Variants in SNTG1 observed in about 807,000 individuals in gnomAD.
SNTG1 encodes the protein gamma-1-syntrophin.
A neutral mutation model predicts 74.7 loss-of-function variants in SNTG1; 39 were observed. The observed-to-expected ratio is 0.52, with a 90% confidence interval of 0.40 to 0.68. The LOEUF is 0.68. Among genes scored for constraint, SNTG1 ranks in the 30% least tolerant of loss-of-function variants. The probability of loss-of-function intolerance (pLI) is 0.00; values close to 1 mark genes in which losing one functional copy is unlikely to be tolerated. For missense variants in SNTG1, 685 were observed against 609.5 expected (o/e 1.12, Z -1.30); for synonymous variants, 254 against 217.1 (o/e 1.17, Z -1.49).
chr8:50,175,041 C>A (rs1216758112), intron 2 of SNTG1, among the ~76,000 whole-genome samples: 2 of 151,948 alleles, frequency 1.3e-5, no homozygotes, highest in Admixed American at 6.6e-5. Flanking sequence ...AGGACATGAA[C>A]TCATCATTTT....
intron 1 of SNTG1, among the ~76,000 whole-genome samples, chr8:49,967,952 C>G (rs1054640229): frequency 6.6e-6 from 1 of 152,168 alleles, no homozygotes; most frequent in Non-Finnish European, 1.5e-5. Context: ...TACACAGATA[C>G]AAGAGCGAGG....
At chr8:50,758,701 T>C (rs545987995) in intron 18 of SNTG1, among the ~76,000 whole-genome samples, 93 of 152,260 alleles carry the variant, frequency 6.1e-4, no homozygotes, top group African/African-American at 2.2e-3. Flanking sequence ...ATGTGCCACA[T>C]TTTCTTTATC....
chr8:50,593,174 G>A (rs564678331), intron 13 of SNTG1, among the ~76,000 whole-genome samples: 76 of 152,150 alleles, frequency 5.0e-4, no homozygotes, highest in East Asian at 9.7e-4. Context: ...TTTTCAATTT[G>A]TGCTACCCAG....
intron 17 of SNTG1, among the ~76,000 whole-genome samples, chr8:50,722,256 C>T (rs1054760215): frequency 1.3e-5 from 2 of 151,236 alleles, no homozygotes; most frequent in Non-Finnish European, 2.9e-5. Context: ...CTCACTGCAA[C>T]ATCCACCTCC....
At chr8:50,046,837 C>G (rs1037173020) in intron 1 of SNTG1, among the ~76,000 whole-genome samples, 1 of 152,096 alleles carries the variant, frequency 6.6e-6, no homozygotes, top group Middle Eastern at 3.2e-3. Flanking sequence ...TTACTTTTAC[C>G]TACTAGAAGT....
At chr8:50,378,154 G>A (rs776791186) in intron 2 of SNTG1, among the ~76,000 whole-genome samples, 8 of 152,220 alleles carry the variant, frequency 5.3e-5, no homozygotes, top group Admixed American at 1.3e-4. Flanking sequence ...GCCACTGCAC[G>A]ATCAGACACA....
At chr8:50,732,021 T>A (rs780501297) in intron 17 of SNTG1, among the ~76,000 whole-genome samples, 4 of 152,026 alleles carry the variant, frequency 2.6e-5, no homozygotes, top group Non-Finnish European at 2.9e-5. Context: ...TTAACTTCTT[T>A]ATATCCATCT....
chr8:50,513,961 A>T, intron 9 of SNTG1, among the ~76,000 whole-genome samples: 1 of 152,124 alleles, frequency 6.6e-6, no homozygotes, highest in East Asian at 1.9e-4. Flanking sequence ...AGATGAACCC[A>T]GTATCTCAGT....
At chr8:50,362,753 G>T (rs2091995344) in intron 2 of SNTG1, among the ~76,000 whole-genome samples, 1 of 152,130 alleles carries the variant, frequency 6.6e-6, no homozygotes, top group Non-Finnish European at 1.5e-5. Flanking sequence ...TATATCAGGT[G>T]CTATGCTTTG....
chr8:50,210,458 A>G (rs1236797604), intron 2 of SNTG1, among the ~76,000 whole-genome samples: 2 of 152,202 alleles, frequency 1.3e-5, no homozygotes, highest in African/African-American at 4.8e-5. Flanking sequence ...GACGGAAAAA[A>G]TGTTAAGGGC....
chr8:50,401,226 T>C (rs1358132330), intron 3 of SNTG1, among the ~76,000 whole-genome samples: 1 of 152,182 alleles, frequency 6.6e-6, no homozygotes, highest in African/African-American at 2.4e-5. Flanking sequence ...CCTATGGACT[T>C]TTTGGTGCCG....
chr8:50,686,932 G>A (rs200656811), intron 15 of SNTG1, among the ~76,000 whole-genome samples: 5 of 151,138 alleles, frequency 3.3e-5, no homozygotes, highest in Admixed American at 6.6e-5. Context: ...TCAGGAGATC[G>A]AGACCATCCT....
chr8:50,031,311 C>T (rs1242336105), intron 1 of SNTG1, among the ~76,000 whole-genome samples: 1 of 151,744 alleles, frequency 6.6e-6, no homozygotes, highest in African/African-American at 2.4e-5. Flanking sequence ...TTTTTCTTTC[C>T]AGATTTGTAT....
rs867555167 is a variant in SNTG1, at chr8:49,950,434, T to A, written c.-103+38203T>A. 8.5e-5 allele frequency among the ~76,000 whole-genome samples: 13 copies of A among 152,288 alleles called. No homozygotes were observed. The South Asian group carries it at 2.5e-3, about 29-fold the overall frequency. ...TAGTAGTTCTTATTTGTACTAATATTTATGCTATTTTTAAAATTTTTAAAT... is the reference window on the plus strand; with the variant it reads ...TAGTAGTTCTTATTTGTACTAATATATATGCTATTTTTAAAATTTTTAAAT... On this transcript the variant is annotated intron_variant, in intron 1 of 18. Transcript: ENST00000642720.
At chr8:49,992,950 C>G (rs2130337627) in intron 1 of SNTG1, among the ~76,000 whole-genome samples, 1 of 152,154 alleles carries the variant, frequency 6.6e-6, no homozygotes, top group East Asian at 1.9e-4. Context: ...AGATTAAATA[C>G]ATATAGATAG....
chr8:49,966,687 G>A (rs143393087), intron 1 of SNTG1, among the ~76,000 whole-genome samples: 306 of 152,134 alleles, frequency 2.0e-3, no homozygotes, highest in African/African-American at 7.0e-3. Context: ...CAGCCACCAC[G>A]CCCAGCCTAT....
intron 17 of SNTG1, among the ~76,000 whole-genome samples, chr8:50,739,346 A>C (rs553745902): frequency 6.6e-6 from 1 of 152,182 alleles, no homozygotes; most frequent in East Asian, 1.9e-4. Context: ...AAAAATGCAG[A>C]TCAAAACCAC....
At chr8:50,567,445 T>G (rs143194612) in intron 12 of SNTG1, among the ~76,000 whole-genome samples, 2 of 152,156 alleles carry the variant, frequency 1.3e-5, no homozygotes, top group African/African-American at 2.4e-5. Flanking sequence ...TATTTAGATA[T>G]ATTTTGTTAC....
At chr8:50,412,399 C>T (rs1488538334) in intron 4 of SNTG1, among the ~76,000 whole-genome samples, 1 of 151,990 alleles carries the variant, frequency 6.6e-6, no homozygotes, top group East Asian at 1.9e-4. Context: ...AGATTGAGTC[C>T]ATTATTTAAA....
Sources: gnomAD v4.1 joint callset for allele counts (sites outside exome capture counted in the v4.1 genomes callset) on GRCh38, gnomAD v4.1.1 for gene constraint, MANE v1.5 for transcripts, NCBI Gene and HGNC (gene_info 2026-07-23, HGNC 2026-07-21) for gene names.